The following COL4A1 variants were observed in gnomAD, a reference collection of about 807,000 sequenced individuals.
COL4A1 encodes the protein collagen alpha-1(IV) chain.
COL4A1 carries 40 observed loss-of-function variants against 216.6 expected under a neutral mutation model. The observed-to-expected ratio is 0.18, with a 90% CI of 0.14 to 0.24. The LOEUF (loss-of-function observed/expected upper bound fraction) is 0.24, where lower values mean the gene tolerates loss of function less well. Ranked by LOEUF, COL4A1 falls within the 10% of genes least tolerant of loss-of-function variation. The pLI is 1.00. For missense variants in COL4A1, 1,628 were observed against 2,196.8 expected, an observed-to-expected ratio of 0.74 and a Z score of 5.18; for synonymous variants, 839 against 810.7, an observed-to-expected ratio of 1.03 and a Z score of -0.59.
In COL4A1 at chr13:110,195,035, T is replaced by G; in HGVS notation, c.1369A>C (p.Ile457Leu). Residue 457 changes from isoleucine (I) to leucine (L), a missense_variant, in exon 22 of 52, where the codon ATT becomes CTT. By Grantham distance (5) the Ile-to-Leu change is conservative. Around this residue, in one of 8 missense-constraint regions of COL4A1, gnomAD observed 701 missense variants for 892.5 expected, o/e 0.79. Transcript: ENST00000375820. ...IPGQPGFIGEIGEKGQKGESC... is the reference protein window; with the variant it reads ...IPGQPGFIGELGEKGQKGESC... ...CAAAATTTCTTACCTTTCTCTCCAA[T>G]TTCGCCTATAAATCCTGGCTGCCCT... The G allele has an allele frequency of 6.2e-7, 1 of 1,614,028 alleles. No homozygotes were observed.
In COL4A1 at chr13:110,290,981, C is replaced by T. The variant is rs147939971; in HGVS notation, c.84+15963G>A. Among the ~76,000 whole-genome samples the T allele has an allele frequency of 5.9e-3, 906 of 152,318 alleles. 6 individuals carry two copies. The highest frequency in any genetic ancestry group is 0.02 in the African/African-American group (818 of 41,578). ...TTGCACGTCCCCCAGGGGTGGGCCTCTTTGCACTTGGACCAGCACAGAGGT... is the reference window on the plus strand; with the variant it reads ...TTGCACGTCCCCCAGGGGTGGGCCTTTTTGCACTTGGACCAGCACAGAGGT... On this transcript the variant is annotated intron_variant, in intron 1 of 51. Coordinates refer to ENST00000375820, the MANE Select transcript of COL4A1 (RefSeq NM_001845.6).
chr13:110,303,681 G>A lies in COL4A1; in HGVS notation c.84+3263C>T, dbSNP rs2139326651. 1.3e-5 allele frequency among the ~76,000 whole-genome samples: 2 copies of A among 152,324 alleles called. 1 individual carries two copies. The highest frequency in any genetic ancestry group is 6.8e-3 in the Middle Eastern group (2 of 294). ...GTTTCCTCTGAGTTCCCCAAAGCTG[G>A]ATTCAGTGTTCCTATAGCCCTTCGA... On this transcript the variant is annotated intron_variant, in intron 1 of 51. Coordinates refer to ENST00000375820, the MANE Select transcript of COL4A1 (RefSeq NM_001845.6).
chr13:110,245,314 C>T (rs1299389744), intron 1 of COL4A1, among the ~76,000 whole-genome samples: 1 of 152,198 alleles, frequency 6.6e-6, no homozygotes, highest in South Asian at 2.1e-4. Context: ...AACCTGTTTG[C>T]GTTTGAGCCA....
At chr13:110,227,883 T>C (rs1476717728) in intron 2 of COL4A1, among the ~76,000 whole-genome samples, 1 of 152,184 alleles carries the variant, frequency 6.6e-6, no homozygotes, top group Non-Finnish European at 1.5e-5. Flanking sequence ...GAGGCAGCCC[T>C]GTCTCGGGTC....
chr13:110,282,451 T>TC (rs1256203430), intron 1 of COL4A1, among the ~76,000 whole-genome samples: 1 of 152,156 alleles, frequency 6.6e-6, no homozygotes, highest in African/African-American at 2.4e-5. Context: ...TACTGTACCT[T>TC]CCCTGGCATG....
intron 1 of COL4A1, among the ~76,000 whole-genome samples, chr13:110,254,857 G>C (rs1882440677): frequency 6.6e-6 from 1 of 152,176 alleles, no homozygotes; most frequent in Admixed American, 6.5e-5. Flanking sequence ...TGGGGAATAT[G>C]CAACTGAACA....
At chr13:110,303,431 A>T (rs1257503929) in intron 1 of COL4A1, among the ~76,000 whole-genome samples, 1 of 152,190 alleles carries the variant, frequency 6.6e-6, no homozygotes, top group Non-Finnish European at 1.5e-5. Context: ...AGCAAAGTTC[A>T]GCCACCAAGA....
At position 110,177,854 on chromosome 13, in the gene COL4A1, G is replaced by A. The variant is rs779350720; in HGVS notation, c.2704C>T (p.Pro902Ser). Residue 902 changes from proline (P) to serine (S), a missense_variant, in exon 33 of 52, where the codon CCG becomes TCG. Pro to Ser is a moderately conservative substitution (Grantham distance 74). Transcript: ENST00000375820. The part of the protein sequence containing the change: ...SPGPVGAPGL[P>S]GEKGDHGFPG... ...TCAGCTCCCCTACCTTTTTCACCCGGTAATCCAGGAGCACCCACTGGTCCT... is the reference window on the plus strand; with the variant it reads ...TCAGCTCCCCTACCTTTTTCACCCGATAATCCAGGAGCACCCACTGGTCCT... 62 of 1,613,978 alleles carry A rather than the reference G, an allele frequency of 3.8e-5. No homozygotes were observed. The Admixed American group carries it at 1.0e-3, about 26-fold the overall frequency.
At position 110,157,202 on chromosome 13, in the gene COL4A1, C is replaced by G. The variant is rs76713156; in HGVS notation, c.4641-1805G>C. Among the ~76,000 whole-genome samples, 270 of 152,298 alleles carry G rather than the reference C, an allele frequency of 1.8e-3. 3 individuals are homozygous for G. Among genetic ancestry groups the G allele is most frequent in the African/African-American group, 6.2e-3 (256 of 41,572 alleles). On this transcript the variant is annotated intron_variant, in intron 49 of 51. Transcript: ENST00000375820. ...AGGGTTAGTTGTGTCCAAGACAGAACGAAAATGCAGTTCTCCTTGCTCTCA... is the reference window on the plus strand; with the variant it reads ...AGGGTTAGTTGTGTCCAAGACAGAAGGAAAATGCAGTTCTCCTTGCTCTCA...
chr13:110,282,940 T>C (rs1000367356), intron 1 of COL4A1, among the ~76,000 whole-genome samples: 1 of 152,246 alleles, frequency 6.6e-6, no homozygotes, highest in Non-Finnish European at 1.5e-5. Context: ...CCTGCATGTC[T>C]CCACATTTCA....
chr13:110,302,319 G>A (rs1884526908), intron 1 of COL4A1, among the ~76,000 whole-genome samples: 1 of 152,174 alleles, frequency 6.6e-6, no homozygotes, highest in Non-Finnish European at 1.5e-5. Context: ...TGCTCAGTTT[G>A]AGATCAAAGC....
intron 2 of COL4A1, among the ~76,000 whole-genome samples, chr13:110,239,037 A>G (rs1695028707): frequency 6.6e-6 from 1 of 152,214 alleles, no homozygotes; most frequent in Non-Finnish European, 1.5e-5. Flanking sequence ...ATTACCTAAC[A>G]GAAAACATCT....
At chr13:110,300,181 T>C (rs775933505) in intron 1 of COL4A1, among the ~76,000 whole-genome samples, 1 of 152,210 alleles carries the variant, frequency 6.6e-6, no homozygotes, top group Non-Finnish European at 1.5e-5. Flanking sequence ...ATCATTGAGT[T>C]TATCTGTACA....
At chr13:110,193,232 T>A (rs1878725376) in intron 22 of COL4A1, among the ~76,000 whole-genome samples, 1 of 152,200 alleles carries the variant, frequency 6.6e-6, no homozygotes, top group Non-Finnish European at 1.5e-5. Context: ...GTCCAGAAAT[T>A]CAACTGTGCC....
At position 110,150,403 on chromosome 13, in the gene COL4A1, G is replaced by A. The variant is rs779139113; in HGVS notation, c.4970C>T (p.Thr1657Met). The A allele has an allele frequency of 3.5e-5, 57 of 1,613,884 alleles. No homozygotes were observed. Among genetic ancestry groups the A allele is most frequent in the Non-Finnish European group, 4.5e-5 (53 of 1,180,010 alleles). Reference protein sequence around the residue: ...PSTLKAGELRTHVSRCQVCMR... With the variant: ...PSTLKAGELRMHVSRCQVCMR... ...ACAGACTTGGCAGCGGCTGACGTGC[G>A]TGCGCAGCTCCCCTGCCTTCAAGGT... Residue 1657 changes from threonine to methionine, a missense_variant, in exon 52 of 52, where the codon ACG becomes ATG. By Grantham distance (81) the Thr-to-Met change is moderately conservative (BLOSUM62 -1). This residue lies in a region of COL4A1 where 254 missense variants were observed against 300.1 expected (regional missense o/e 0.85). Coordinates refer to ENST00000375820, the MANE Select transcript of COL4A1 (RefSeq NM_001845.6).
chr13:110,215,575 AAC>A (rs1368404230), intron 2 of COL4A1, among the ~76,000 whole-genome samples: 45 of 122,292 alleles, frequency 3.7e-4, no homozygotes, highest in African/African-American at 1.1e-3. Context: ...AAAAAAAAAA[AAC>A]AACAACCCAT....
chr13:110,203,602 T>G lies in COL4A1; in HGVS notation c.963A>C (p.Glu321Asp). 1 of 1,614,174 alleles carries G rather than the reference T, an allele frequency of 6.2e-7. No homozygotes were observed. Among genetic ancestry groups the G allele is most frequent in the Non-Finnish European group, 8.5e-7 (1 of 1,180,034 alleles). ...GGCCAGGAGGACCTGCTTCACCCTT[T>G]TCTCCCTACAAAAGAAAAAATAACT... The part of the protein sequence containing the change: ...GLIGRQGPQG[E>D]KGEAGPPGPP... The change falls in exon 18 of 52, where the codon GAA (glutamate) becomes GAC (aspartate). Residue 321 changes from glutamate (E) to aspartate (D), a missense_variant. By Grantham distance (45) the Glu-to-Asp change is conservative. This residue lies in a region of COL4A1 where 701 missense variants were observed against 892.5 expected (regional missense o/e 0.79). Coordinates refer to ENST00000375820, the MANE Select transcript of COL4A1 (RefSeq NM_001845.6).
rs184917134 is a variant in COL4A1, at chr13:110,204,426, T to C, written c.958-819A>G. On this transcript the variant is annotated intron_variant, in intron 17 of 51. Coordinates refer to ENST00000375820, the MANE Select transcript of COL4A1 (RefSeq NM_001845.6). The stretch of plus-strand genomic sequence containing the variant: ...ACAGGATTTTACTTCCTCAAAAAAT[T>C]ACAGCCAAGGGTTTCTTCCTTTTGT... Among the ~76,000 whole-genome samples the C allele has an allele frequency of 3.5e-4, 53 of 152,282 alleles. No homozygotes were observed. In the East Asian group the frequency reaches 8.7e-3, roughly 25 times the overall value.
At chr13:110,198,350 C>A in intron 21 of COL4A1, 117 bp downstream of exon 21, 1 of 1,073,700 alleles carries the variant, frequency 9.3e-7, no homozygotes, top group East Asian at 2.4e-5. Flanking sequence ...TTAGAAGAAT[C>A]CACGCCTTTC....
Sources: gnomAD v4.1 joint callset for allele counts (sites outside exome capture counted in the v4.1 genomes callset) on GRCh38, gnomAD v4.1.1 for gene constraint, gnomAD v4.1.1 regional missense constraint, MANE v1.5 for transcripts, NCBI Gene and HGNC (gene_info 2026-07-23, HGNC 2026-07-21) for gene names.